The following XKR9 variants were observed in gnomAD, a reference collection of about 807,000 sequenced individuals.
XKR9 encodes the protein XK related 9.
A neutral mutation model predicts 32.0 loss-of-function variants in XKR9; 32 were observed. That is an observed-to-expected ratio of 1.00 (90% CI 0.76 to 1.34). The LOEUF (loss-of-function observed/expected upper bound fraction) is 1.34, where lower values mean the gene tolerates loss of function less well. Among genes scored for constraint, XKR9 ranks in the 40% most tolerant of loss-of-function variants. The probability of loss-of-function intolerance (pLI) is 0.00; values close to 1 mark genes in which losing one functional copy is unlikely to be tolerated. For missense variants in XKR9, 546 were observed against 429.7 expected (o/e 1.27, Z -2.39); for synonymous variants, 168 against 143.4 (o/e 1.17, Z -1.22).
At chr8:70,873,630 A>G in the XKR9 span, among the ~76,000 whole-genome samples, 3 of 152,228 alleles carry the variant, frequency 2.0e-5, no homozygotes, top group African/African-American at 7.2e-5. Flanking sequence ...CTCATAATCA[A>G]ACTTGAAAGG....
chr8:70,990,038 T>G, the XKR9 span, among the ~76,000 whole-genome samples: 1 of 152,330 alleles, frequency 6.6e-6, no homozygotes, highest in South Asian at 2.1e-4. Flanking sequence ...GTCTTCTTGA[T>G]GTCGATCATC....
the XKR9 span, among the ~76,000 whole-genome samples, chr8:71,062,217 G>T: frequency 1.3e-5 from 2 of 152,180 alleles, no homozygotes; most frequent in African/African-American, 4.8e-5. Flanking sequence ...ACAGATCTAA[G>T]GGAAAGAGTT....
intron 4 of XKR9, among the ~76,000 whole-genome samples, chr8:70,732,516 A>G (rs1301594321): frequency 6.6e-6 from 1 of 152,176 alleles, no homozygotes; most frequent in Non-Finnish European, 1.5e-5. Context: ...TGGTAGTCAC[A>G]AGGCCATTCC....
At position 70,734,210 on chromosome 8, in the gene XKR9, C is replaced by T. The variant is rs760215423; in HGVS notation, c.908C>T (p.Thr303Ile). The T allele has an allele frequency of 1.1e-5, 18 of 1,613,192 alleles. No individual in the cohort carries two copies. In the East Asian group the frequency reaches 3.8e-4, roughly 34 times the overall value. Residue 303 changes from threonine (T) to isoleucine (I), a missense_variant, in exon 5 of 5, where the codon ACT becomes ATT. Coordinates refer to ENST00000408926, the MANE Select transcript of XKR9 (RefSeq NM_001011720.2). ...GTACTGGGCACTTTGGGGATATTGA[C>T]TGTATTCTGGGTTTGCCCCCTCACT... The part of the protein sequence containing the change: ...VRVLGTLGIL[T>I]VFWVCPLTIF...
At chr8:70,923,511 C>T in the XKR9 span, among the ~76,000 whole-genome samples, 1 of 152,250 alleles carries the variant, frequency 6.6e-6, no homozygotes, top group African/African-American at 2.4e-5. Context: ...AGCTTCAGAT[C>T]CTTGTACTTG....
At position 70,706,986 on chromosome 8, in the gene XKR9, A is replaced by C; in HGVS notation, c.326A>C (p.Asn109Thr). ...GYHAAFKYDS[N>T]TSNFVEEQID... is the part of the protein sequence containing the mutation. ...CATGCAGCTTTTAAATATGACAGCAATACTAGTAACTTCGTGGAAGAACAA... is the reference window on the plus strand; with the variant it reads ...CATGCAGCTTTTAAATATGACAGCACTACTAGTAACTTCGTGGAAGAACAA... Residue 109 changes from asparagine to threonine, a missense_variant, in exon 4 of 5, where the codon AAT (asparagine) becomes ACT (threonine). Asn to Thr is a moderately conservative substitution (Grantham distance 65). Coordinates refer to ENST00000408926, the MANE Select transcript of XKR9 (RefSeq NM_001011720.2). The C allele has an allele frequency of 6.2e-7, 1 of 1,613,402 alleles. No homozygotes were observed. The highest frequency in any genetic ancestry group is 8.5e-7 in the Non-Finnish European group (1 of 1,179,460).
the XKR9 span, among the ~76,000 whole-genome samples, chr8:70,847,485 A>C: frequency 1.3e-5 from 2 of 152,090 alleles, no homozygotes; most frequent in East Asian, 3.9e-4. Context: ...TGAAGATCAG[A>C]GTATAATTAA....
the XKR9 span, among the ~76,000 whole-genome samples, chr8:70,988,168 A>G: frequency 6.6e-6 from 1 of 152,160 alleles, no homozygotes; most frequent in Non-Finnish European, 1.5e-5. Context: ...GGTCCCTCCC[A>G]CAACATGTGG....
chr8:70,935,789 G>T, the XKR9 span, among the ~76,000 whole-genome samples: 1 of 151,976 alleles, frequency 6.6e-6, no homozygotes, highest in Non-Finnish European at 1.5e-5. Context: ...GTGAGAAGAA[G>T]AATAATTCTG....
At chr8:70,818,946 T>A in the XKR9 span, among the ~76,000 whole-genome samples, 3 of 152,198 alleles carry the variant, frequency 2.0e-5, no homozygotes, top group Non-Finnish European at 4.4e-5. Context: ...AGAACAGACT[T>A]CTTCCCTGGA....
chr8:70,987,351 T>C, the XKR9 span, among the ~76,000 whole-genome samples: 3 of 152,204 alleles, frequency 2.0e-5, no homozygotes. Flanking sequence ...AGCAAGTTAG[T>C]TACTTCCTAG....
the XKR9 span, among the ~76,000 whole-genome samples, chr8:70,867,473 G>A: frequency 1.3e-5 from 2 of 152,044 alleles, no homozygotes; most frequent in African/African-American, 4.8e-5. Flanking sequence ...TCTCTTTTGA[G>A]ATGAAGTCTC....
the XKR9 span, among the ~76,000 whole-genome samples, chr8:70,845,316 G>T: frequency 1.3e-5 from 2 of 152,194 alleles, no homozygotes; most frequent in Admixed American, 6.5e-5. Flanking sequence ...AATGCAAAAA[G>T]TTGGAAGAAG....
chr8:70,773,103 C>T (rs538663009), intron 2 of XKR9, among the ~76,000 whole-genome samples: 2 of 152,222 alleles, frequency 1.3e-5, no homozygotes, highest in East Asian at 1.9e-4. Flanking sequence ...TTGTAAAAGG[C>T]TCCAATATTT....
chr8:70,837,586 G>A, the XKR9 span, among the ~76,000 whole-genome samples: 4 of 152,162 alleles, frequency 2.6e-5, no homozygotes, highest in African/African-American at 4.8e-5. Context: ...AGGACAAGAT[G>A]TATGGTTTAA....
chr8:70,815,285 A>T, the XKR9 span, among the ~76,000 whole-genome samples: 24 of 152,004 alleles, frequency 1.6e-4, no homozygotes, highest in Admixed American at 5.2e-4. Context: ...TAAGCCTAGT[A>T]CTTATTAGTT....
chr8:71,011,166 C>T, the XKR9 span, among the ~76,000 whole-genome samples: 2 of 152,122 alleles, frequency 1.3e-5, no homozygotes, highest in Non-Finnish European at 2.9e-5. Context: ...CCTTCTCTCT[C>T]GTCTGATGCA....
the XKR9 span, among the ~76,000 whole-genome samples, chr8:70,865,417 G>T: frequency 1.3e-5 from 2 of 151,762 alleles, no homozygotes; most frequent in Non-Finnish European, 2.9e-5. Flanking sequence ...TGTCAATAAT[G>T]TAAGGCCAGA....
chr8:70,676,201 C>G (rs574938875), intron 2 of XKR9, among the ~76,000 whole-genome samples: 7 of 152,204 alleles, frequency 4.6e-5, no homozygotes, highest in African/African-American at 1.7e-4. Flanking sequence ...GGGGGAGATG[C>G]AATGCTTTAC....
Sources: allele counts gnomAD v4.1 joint callset (sites outside exome capture counted in the v4.1 genomes callset), GRCh38; gene constraint gnomAD v4.1.1; transcripts MANE v1.5; gene names NCBI Gene and HGNC (gene_info 2026-07-23, HGNC 2026-07-21).